The following OLFM3 variants were observed in gnomAD, a reference collection of about 807,000 sequenced individuals.
OLFM3 encodes noelin-3.
Under a neutral mutation model 48.6 loss-of-function variants are expected in OLFM3, and 20 were observed. The ratio of observed to expected loss-of-function variants is 0.41; its 90% CI spans 0.29 to 0.60. OLFM3 has a LOEUF of 0.60. Ranked by LOEUF, OLFM3 falls within the 20% of genes least tolerant of loss-of-function variation. The pLI, the probability that OLFM3 is intolerant of heterozygous loss-of-function variation, is 0.28. For missense variants in OLFM3, 437 were observed against 544.3 expected (o/e 0.80, Z 1.96); for synonymous variants, 222 against 198.1 (o/e 1.12, Z -1.01).
chr1:101,901,060 T>A (rs750568507), intron 1 of OLFM3, among the ~76,000 whole-genome samples: 7 of 152,082 alleles, frequency 4.6e-5, no homozygotes, highest in African/African-American at 7.2e-5. Context: ...TTATTGTTCC[T>A]CAGAGCCTAC....
chr1:101,969,733 CT>C (rs1181726017), intron 1 of OLFM3, among the ~76,000 whole-genome samples: 3 of 151,904 alleles, frequency 2.0e-5, no homozygotes, highest in Non-Finnish European at 2.9e-5. Context: ...CCTCTTTGGG[CT>C]TTTTTTCCCC....
chr1:101,916,461 A>T (rs898092523), intron 1 of OLFM3, among the ~76,000 whole-genome samples: 7 of 151,912 alleles, frequency 4.6e-5, no homozygotes, highest in African/African-American at 1.5e-4. Flanking sequence ...AGTTAATGTT[A>T]CAAGAAAAGA....
In OLFM3 at chr1:101,990,989, TAAAAAAAAAAA is replaced by T. The variant is rs58481588; in HGVS notation, c.69+5748_69+5758del. Among the ~76,000 whole-genome samples, 30 of 8,906 alleles carry T rather than the reference TAAAAAAAAAAA, an allele frequency of 3.4e-3. 2 individuals are homozygous for T. In the East Asian group the frequency reaches 0.1, roughly 31 times the overall value. 5.8% of individuals were successfully genotyped at this position (8,906 alleles called of 152,430 possible). A position where few individuals can be genotyped will look rare whatever the true frequency, so the allele number is the denominator to read the frequency against. On this transcript the variant is annotated intron_variant, in intron 1 of 5. Coordinates refer to ENST00000370103, the MANE Select transcript of OLFM3 (RefSeq NM_058170.4). ...GACAGAGCGAGACTCTGTCAAAAAG[TAAAAAAAAAAA>T]AAAAAAAAAAAAAAAAATATATATA...
intron 1 of OLFM3, among the ~76,000 whole-genome samples, chr1:101,863,800 T>C (rs1225391595): frequency 6.6e-6 from 1 of 152,158 alleles, no homozygotes; most frequent in Admixed American, 6.5e-5. Flanking sequence ...GCAGAAGACA[T>C]GGTTATTTTT....
chr1:101,914,656 A>G (rs527876068), intron 1 of OLFM3, among the ~76,000 whole-genome samples: 1 of 152,340 alleles, frequency 6.6e-6, no homozygotes, highest in African/African-American at 2.4e-5. Flanking sequence ...GAGTGAGAAC[A>G]TGATGAAGTG....
intron 4 of OLFM3, chr1:101,812,570 T>C (rs1654119167): frequency 1.0e-6 from 1 of 985,468 alleles, no homozygotes; most frequent in Non-Finnish European, 1.2e-6. Context: ...AATCATACCA[T>C]GAGCCTTATC....
rs1657673965 is a variant in OLFM3 at position 101,884,647 on chromosome 1, A to C, written c.70-47622T>G. Reference sequence around the variant, plus strand: ...AATTTATAATCAGGACTGCCCTATTAAAGCCTTGAAAGGAAAAGATAAATA... The same window carrying C: ...AATTTATAATCAGGACTGCCCTATTCAAGCCTTGAAAGGAAAAGATAAATA... On this transcript the variant is annotated intron_variant, in intron 1 of 5. Coordinates refer to ENST00000370103, the MANE Select transcript of OLFM3 (RefSeq NM_058170.4). Among the ~76,000 whole-genome samples, 5 of 152,100 alleles carry C rather than the reference A, an allele frequency of 3.3e-5. No individual in the cohort carries two copies. In the South Asian group the frequency reaches 1.0e-3, roughly 32 times the overall value.
At chr1:101,823,923 A>C (rs1488316082) in intron 4 of OLFM3, among the ~76,000 whole-genome samples, 1 of 150,460 alleles carries the variant, frequency 6.6e-6, no homozygotes, top group Non-Finnish European at 1.5e-5. Context: ...CCGATGTAGC[A>C]ATTTCCCACA....
At chr1:101,871,068 G>C (rs1187408506) in intron 1 of OLFM3, among the ~76,000 whole-genome samples, 1 of 152,082 alleles carries the variant, frequency 6.6e-6, no homozygotes, top group Non-Finnish European at 1.5e-5. Flanking sequence ...TCACTGTGCA[G>C]TTACCTTATT....
chr1:101,889,265 A>G (rs1244639062), intron 1 of OLFM3, among the ~76,000 whole-genome samples: 5 of 152,284 alleles, frequency 3.3e-5, no homozygotes, highest in South Asian at 2.1e-4. Flanking sequence ...ATGTCCCTCA[A>G]TGACAGACTG....
intron 1 of OLFM3, among the ~76,000 whole-genome samples, chr1:101,948,394 A>AT (rs1230764602): frequency 6.6e-6 from 1 of 152,158 alleles, no homozygotes; most frequent in Non-Finnish European, 1.5e-5. Context: ...ATCAGAGAAG[A>AT]TTTAAGGAAG....
chr1:101,930,806 G>T (rs1659423170), intron 1 of OLFM3, among the ~76,000 whole-genome samples: 1 of 152,144 alleles, frequency 6.6e-6, no homozygotes, highest in African/African-American at 2.4e-5. Flanking sequence ...TTTTACCCAG[G>T]GTGGACAGTT....
At chr1:101,926,928 TG>T (rs1659290573) in intron 1 of OLFM3, among the ~76,000 whole-genome samples, 1 of 152,096 alleles carries the variant, frequency 6.6e-6, no homozygotes, top group South Asian at 2.1e-4. Flanking sequence ...CATTACCTTC[TG>T]GGAAACAACA....
chr1:101,910,175 G>T, intron 1 of OLFM3: 1 of 982,278 alleles, frequency 1.0e-6, no homozygotes, highest in Non-Finnish European at 1.2e-6. Context: ...ATGTTAAAAA[G>T]CACATTCTCG....
At chr1:101,959,666 C>A (rs1660409201) in intron 1 of OLFM3, among the ~76,000 whole-genome samples, 1 of 152,078 alleles carries the variant, frequency 6.6e-6, no homozygotes, top group Admixed American at 6.6e-5. Flanking sequence ...GGCTGCAGGG[C>A]AAGACAGAAA....
chr1:101,942,346 C>T (rs1159928513), intron 1 of OLFM3, among the ~76,000 whole-genome samples: 2 of 152,144 alleles, frequency 1.3e-5, no homozygotes, highest in African/African-American at 4.8e-5. Context: ...GGTTTAATAA[C>T]TGAAGAGTTT....
chr1:101,896,246 C>T (rs1050436009), intron 1 of OLFM3, among the ~76,000 whole-genome samples: 1 of 151,940 alleles, frequency 6.6e-6, no homozygotes, highest in African/African-American at 2.4e-5. Flanking sequence ...GCTGTATTAG[C>T]ACCTTTTAAT....
intron 2 of OLFM3, among the ~76,000 whole-genome samples, chr1:101,832,036 G>A (rs1204936077): frequency 6.6e-6 from 1 of 152,086 alleles, no homozygotes; most frequent in Non-Finnish European, 1.5e-5. Context: ...CTGAGTAGCT[G>A]GGATTACAGG....
intron 1 of OLFM3, among the ~76,000 whole-genome samples, chr1:101,849,014 T>C (rs1027066362): frequency 3.3e-5 from 5 of 152,114 alleles, no homozygotes; most frequent in African/African-American, 4.8e-5. Context: ...ACAATACAAA[T>C]GGAATGCTTC....
Sources: allele counts gnomAD v4.1 joint callset (sites outside exome capture counted in the v4.1 genomes callset), GRCh38; gene constraint gnomAD v4.1.1; transcripts MANE v1.5; gene names NCBI Gene and HGNC (gene_info 2026-07-23, HGNC 2026-07-21).